Variants in EXOC4 observed in about 807,000 individuals in gnomAD.
The protein encoded by EXOC4 is SEC8-like 1.
A neutral mutation model predicts 107.2 loss-of-function variants in EXOC4; 71 were observed. That is an observed-to-expected ratio of 0.66 (90% CI 0.55 to 0.81). The LOEUF (loss-of-function observed/expected upper bound fraction) is 0.81. Among genes scored for constraint, EXOC4 ranks in the 30% least tolerant of loss-of-function variants. The pLI, the probability that EXOC4 is intolerant of heterozygous loss-of-function variation, is 0.00. For synonymous variants in EXOC4, 456 were observed against 441.2 expected (o/e 1.03, Z -0.42); for missense variants, 1,108 against 1,189.6 (o/e 0.93, Z 1.01).
chr7:133,569,805 C>T (rs375839380), intron 9 of EXOC4, among the ~76,000 whole-genome samples: 144 of 152,220 alleles, frequency 9.5e-4, no homozygotes, highest in Middle Eastern at 3.4e-3. Flanking sequence ...ATCAAATGCC[C>T]AGGTTTCCAG....
chr7:133,358,780 TC>T (rs1796077563), intron 6 of EXOC4, among the ~76,000 whole-genome samples: 1 of 6,636 alleles, frequency 1.5e-4, no homozygotes, highest in South Asian at 0.071. Flanking sequence ...AGGAGTTTCA[TC>T]TTTTTTTTTT....
chr7:133,752,330 TCC>T (rs1795811796), intron 10 of EXOC4, among the ~76,000 whole-genome samples: 1 of 152,072 alleles, frequency 6.6e-6, no homozygotes, highest in South Asian at 2.1e-4. Flanking sequence ...GGGTGCAGAG[TCC>T]TAAGTTTTTG....
intron 9 of EXOC4, among the ~76,000 whole-genome samples, chr7:133,485,976 T>C (rs888098652): frequency 6.6e-6 from 1 of 152,228 alleles, no homozygotes; most frequent in Non-Finnish European, 1.5e-5. Context: ...TCGGGGCTAC[T>C]TAATACTTTT....
intron 7 of EXOC4, among the ~76,000 whole-genome samples, chr7:133,444,446 A>G (rs1480574576): frequency 1.3e-5 from 2 of 152,236 alleles, no homozygotes; most frequent in African/African-American, 4.8e-5. Context: ...TGAACAAGAT[A>G]GAACAAGATA....
At chr7:133,583,833 C>G (rs996999927) in intron 9 of EXOC4, among the ~76,000 whole-genome samples, 1 of 152,022 alleles carries the variant, frequency 6.6e-6, no homozygotes, top group Non-Finnish European at 1.5e-5. Flanking sequence ...GGATTTTAAG[C>G]AGAGGATTGG....
chr7:133,570,813 A>G (rs1284961304), intron 9 of EXOC4, among the ~76,000 whole-genome samples: 1 of 152,248 alleles, frequency 6.6e-6, no homozygotes, highest in Non-Finnish European at 1.5e-5. Flanking sequence ...TCTAAAATCA[A>G]CATGATGCCA....
chr7:133,930,586 A>G (rs900383810), intron 13 of EXOC4: 2 of 151,906 alleles, frequency 1.3e-5, no homozygotes, highest in Non-Finnish European at 2.9e-5. Flanking sequence ...CTTGGTACCA[A>G]AAACGGGGAT....
intron 17 of EXOC4, among the ~76,000 whole-genome samples, chr7:134,018,622 T>C (rs74325392): frequency 6.6e-6 from 1 of 150,906 alleles, no homozygotes; most frequent in African/African-American, 2.5e-5. Flanking sequence ...TTTATAATCC[T>C]TTTTTTTTAA....
At chr7:133,346,739 G>A (rs1299722781) in intron 5 of EXOC4, among the ~76,000 whole-genome samples, 1 of 152,016 alleles carries the variant, frequency 6.6e-6, no homozygotes, top group East Asian at 1.9e-4. Context: ...TGTGATAGAG[G>A]GATAATATTC....
chr7:133,596,012 C>G (rs1475397417), intron 9 of EXOC4, among the ~76,000 whole-genome samples: 1 of 152,160 alleles, frequency 6.6e-6, no homozygotes, highest in African/African-American at 2.4e-5. Context: ...CCCCACACTC[C>G]CATTTGCTTT....
intron 10 of EXOC4, among the ~76,000 whole-genome samples, chr7:133,703,099 C>A (rs924498901): frequency 6.6e-6 from 1 of 151,918 alleles, no homozygotes; most frequent in African/African-American, 2.4e-5. Flanking sequence ...ACTTTTTTTT[C>A]TCACTTGACA....
At chr7:133,918,752 T>C (rs908805129) in intron 13 of EXOC4, among the ~76,000 whole-genome samples, 1 of 152,202 alleles carries the variant, frequency 6.6e-6, no homozygotes, top group African/African-American at 2.4e-5. Flanking sequence ...TAGAGCTGTG[T>C]AAAGTAGAAA....
At chr7:133,773,291 C>A (rs2151164710) in intron 10 of EXOC4, among the ~76,000 whole-genome samples, 1 of 151,962 alleles carries the variant, frequency 6.6e-6, no homozygotes, top group Admixed American at 6.6e-5. Flanking sequence ...GACAGTGCTT[C>A]CCAAACATGC....
At chr7:133,324,204 C>G (rs992349695) in intron 5 of EXOC4, among the ~76,000 whole-genome samples, 1 of 152,028 alleles carries the variant, frequency 6.6e-6, no homozygotes, top group East Asian at 1.9e-4. Context: ...TTTGGTCTCT[C>G]TTTTCTTCAG....
At chr7:133,416,280 T>C (rs1307114801) in intron 7 of EXOC4, among the ~76,000 whole-genome samples, 1 of 152,190 alleles carries the variant, frequency 6.6e-6, no homozygotes, top group East Asian at 1.9e-4. Context: ...AAATTTGGTG[T>C]AGTACTTGAC....
chr7:133,959,189 AC>A (rs1800884221), intron 14 of EXOC4, among the ~76,000 whole-genome samples: 1 of 152,176 alleles, frequency 6.6e-6, no homozygotes, highest in Admixed American at 6.5e-5. Flanking sequence ...GTTTGAGGAA[AC>A]CTTATAATAG....
intron 14 of EXOC4, among the ~76,000 whole-genome samples, chr7:133,978,703 C>T (rs1793900397): frequency 1.3e-5 from 2 of 152,310 alleles, no homozygotes; most frequent in African/African-American, 2.4e-5. Flanking sequence ...CTTCCTGCTG[C>T]GAGGAAGCAG....
intron 17 of EXOC4, among the ~76,000 whole-genome samples, chr7:134,019,612 G>A (rs572995580): frequency 1.8e-4 from 27 of 152,224 alleles, no homozygotes; most frequent in African/African-American, 5.8e-4. Flanking sequence ...AAAGCTTAAC[G>A]AAGTTAAGTA....
At chr7:133,848,740 A>T (rs1017964085) in intron 11 of EXOC4, among the ~76,000 whole-genome samples, 1 of 151,994 alleles carries the variant, frequency 6.6e-6, no homozygotes, top group Non-Finnish European at 1.5e-5. Flanking sequence ...CTAAATTTTA[A>T]TATCAGTTTG....
Sources: gnomAD v4.1 joint callset for allele counts (sites outside exome capture counted in the v4.1 genomes callset) on GRCh38, gnomAD v4.1.1 for gene constraint, MANE v1.5 for transcripts, NCBI Gene and HGNC (gene_info 2026-07-23, HGNC 2026-07-21) for gene names.